The following TMPRSS15 variants were observed in gnomAD, a reference collection of about 807,000 sequenced individuals.
TMPRSS15 encodes transmembrane serine protease 15.
A neutral mutation model predicts 125.3 loss-of-function variants in TMPRSS15; 128 were observed. The observed-to-expected ratio is 1.02, with a 90% CI of 0.89 to 1.18. The LOEUF (loss-of-function observed/expected upper bound fraction) is 1.18. TMPRSS15 is among the 50% of genes most tolerant of loss of function. TMPRSS15 has a pLI of 0.00. For missense variants in TMPRSS15, 1,283 were observed against 1,212.7 expected, an observed-to-expected ratio of 1.06 and a Z score of -0.86; for synonymous variants, 446 against 423.2, an observed-to-expected ratio of 1.05 and a Z score of -0.66.
chr21:18,450,765 A>C (rs1569071485), intron 1 of TMPRSS15, among the ~76,000 whole-genome samples: 1 of 152,206 alleles, frequency 6.6e-6, no homozygotes. Flanking sequence ...TTCAATTGCC[A>C]TGCGTATCTA....
At chr21:18,281,366 T>C in intron 21 of TMPRSS15, 145 bp from the exon 22 acceptor site, 2 of 769,948 alleles carry the variant, frequency 2.6e-6, no homozygotes. Context: ...AAAAATATTC[T>C]CAAATCTTTA....
chr21:18,292,509 A>G (rs2074850429), intron 21 of TMPRSS15, among the ~76,000 whole-genome samples: 2 of 152,332 alleles, frequency 1.3e-5, no homozygotes, highest in Admixed American at 1.3e-4. Flanking sequence ...TTGAAAAGCT[A>G]TGAGATTGGT....
At chr21:18,432,914 G>A (rs1033051873) in intron 1 of TMPRSS15, among the ~76,000 whole-genome samples, 1 of 151,648 alleles carries the variant, frequency 6.6e-6, no homozygotes, top group Non-Finnish European at 1.5e-5. Flanking sequence ...TTTCTTCTCC[G>A]AAAAAGTGGG....
chr21:18,460,329 T>C (rs1978528155), intron 1 of TMPRSS15, among the ~76,000 whole-genome samples: 2 of 151,574 alleles, frequency 1.3e-5, no homozygotes, highest in African/African-American at 4.9e-5. Flanking sequence ...ATAAGTTTTA[T>C]TCTGAATTAT....
chr21:18,279,193 T>A, intron 22 of TMPRSS15, 134 bp from the exon 23 acceptor site: 1 of 607,294 alleles, frequency 1.6e-6, no homozygotes, highest in Non-Finnish European at 2.9e-6. Flanking sequence ...TAATCCTACC[T>A]GTAAAAATTT....
intron 13 of TMPRSS15, among the ~76,000 whole-genome samples, chr21:18,339,118 T>C (rs2075422779): frequency 1.3e-5 from 2 of 152,324 alleles, no homozygotes; most frequent in East Asian, 1.9e-4. Flanking sequence ...GTAATGGTTA[T>C]TGCTACATCT....
chr21:18,465,095 G>C (rs544307724), intron 1 of TMPRSS15, among the ~76,000 whole-genome samples: 4 of 152,122 alleles, frequency 2.6e-5, no homozygotes, highest in South Asian at 4.1e-4. Flanking sequence ...GGGATGCAAG[G>C]CTGGTTCAAC....
chr21:18,451,781 C>T (rs1274144584), intron 1 of TMPRSS15, among the ~76,000 whole-genome samples: 1 of 151,930 alleles, frequency 6.6e-6, no homozygotes, highest in Non-Finnish European at 1.5e-5. Flanking sequence ...GTATGACTGT[C>T]CAAGATGAAA....
Position 18,315,240 on chromosome 21 carries a change from G to C in TMPRSS15, c.1938C>G (p.Asp646Glu), listed in dbSNP as rs774147379. The C allele has an allele frequency of 6.2e-7, 1 of 1,613,362 alleles. No homozygotes were observed. Among genetic ancestry groups the C allele is most frequent in the African/African-American group, 1.3e-5 (1 of 75,046 alleles). Residue 646 changes from aspartate (D) to glutamate (E), a missense_variant, in exon 17 of 25, where the codon GAC becomes GAG. By Grantham distance (45) the Asp-to-Glu change is conservative. Coordinates refer to ENST00000284885, the MANE Select transcript of TMPRSS15 (RefSeq NM_002772.3). ...HLGIPEPCKA[D>E]HFQCKNGECV... ...ACTCTCCATTTTTACATTGAAAATG[G>C]TCTGCCTTGCATGGCTCTATGGGGA...
At chr21:18,277,077 A>AT (rs1299816055) in intron 23 of TMPRSS15, among the ~76,000 whole-genome samples, 2 of 151,906 alleles carry the variant, frequency 1.3e-5, no homozygotes, top group Admixed American at 1.3e-4. Flanking sequence ...GAAAACTGGG[A>AT]TTTTATGAAA....
rs146155299 is a variant in TMPRSS15, at chr21:18,309,321, C to T, written c.2165+3624G>A. On this transcript the variant is annotated intron_variant, in intron 18 of 24. Transcript: ENST00000284885. Reference sequence around the variant, plus strand: ...CAAAAACCCTAGGAGAAAACCTAGGCGATATCATTCAGGACATAGGCATGG... The same window carrying T: ...CAAAAACCCTAGGAGAAAACCTAGGTGATATCATTCAGGACATAGGCATGG... Among the ~76,000 whole-genome samples the T allele has an allele frequency of 1.7e-4, 26 of 152,222 alleles. No homozygotes were observed. The East Asian group carries it at 1.7e-3, about 10-fold the overall frequency.
intron 13 of TMPRSS15, among the ~76,000 whole-genome samples, chr21:18,334,623 G>T (rs1418833242): frequency 2.0e-5 from 3 of 152,018 alleles, no homozygotes; most frequent in Non-Finnish European, 4.4e-5. Flanking sequence ...TTGTGGATTG[G>T]GTAATTACTA....
intron 19 of TMPRSS15, among the ~76,000 whole-genome samples, chr21:18,297,355 G>T (rs1294825739): frequency 6.6e-6 from 1 of 152,028 alleles, no homozygotes; most frequent in Non-Finnish European, 1.5e-5. Context: ...TAGCTAATTT[G>T]GTCTGCCTCC....
chr21:18,296,300 G>T (rs990658502), intron 19 of TMPRSS15, among the ~76,000 whole-genome samples: 5 of 152,034 alleles, frequency 3.3e-5, no homozygotes, highest in Admixed American at 3.3e-4. Context: ...AGTTTTCATA[G>T]GGATACAAAC....
intron 18 of TMPRSS15, 120 bp downstream of exon 18, chr21:18,312,825 G>T: frequency 7.7e-7 from 1 of 1,292,074 alleles, no homozygotes; most frequent in Non-Finnish European, 1.1e-6. Flanking sequence ...TCTCCCTTTT[G>T]CTAATGTGTA....
upstream of TMPRSS15, among the ~76,000 whole-genome samples, chr21:18,406,266 A>G (rs1415974621): frequency 2.0e-5 from 3 of 152,114 alleles, no homozygotes; most frequent in Non-Finnish European, 4.4e-5. Context: ...AATAGAGTGG[A>G]ATATTCATTT....
intron 1 of TMPRSS15, among the ~76,000 whole-genome samples, chr21:18,419,845 T>C (rs1423391684): frequency 1.3e-5 from 2 of 152,204 alleles, no homozygotes; most frequent in Non-Finnish European, 1.5e-5. Flanking sequence ...ATTGGTTATG[T>C]CTTTTTTCCC....
At chr21:18,442,086 TTACTA>T (rs2076243501) in intron 1 of TMPRSS15, among the ~76,000 whole-genome samples, 1 of 152,228 alleles carries the variant, frequency 6.6e-6, no homozygotes, top group Non-Finnish European at 1.5e-5. Flanking sequence ...CATTGCTACT[TTACTA>T]TAACTGTCCT....
chr21:18,311,346 A>G (rs1034483666), intron 18 of TMPRSS15, among the ~76,000 whole-genome samples: 5 of 152,210 alleles, frequency 3.3e-5, no homozygotes, highest in Admixed American at 6.5e-5. Context: ...TTTGACAAGC[A>G]CATATTAACC....
Sources: gnomAD v4.1 joint callset for allele counts (sites outside exome capture counted in the v4.1 genomes callset) on GRCh38, gnomAD v4.1.1 for gene constraint, MANE v1.5 for transcripts, NCBI Gene and HGNC (gene_info 2026-07-23, HGNC 2026-07-21) for gene names.